RBFOX2: variants seen among roughly 807,000 people sequenced by gnomAD.
RBFOX2 encodes RNA binding protein fox-1 homolog 2.
Under a neutral mutation model 49.1 loss-of-function variants are expected in RBFOX2, and 10 were observed. The ratio of observed to expected loss-of-function variants is 0.20; its 90% CI spans 0.13 to 0.35. The LOEUF (loss-of-function observed/expected upper bound fraction) is 0.35. Among genes scored for constraint, RBFOX2 ranks in the 10% least tolerant of loss-of-function variants. The pLI, the probability that RBFOX2 is intolerant of heterozygous loss-of-function variation, is 1.00. For missense variants in RBFOX2, 323 were observed against 486.9 expected, an observed-to-expected ratio of 0.66 and a Z score of 3.17; for synonymous variants, 183 against 187.4, an observed-to-expected ratio of 0.98 and a Z score of 0.19.
At chr22:35,822,898 CA>C in intron 1 of RBFOX2, 1 of 385,978 alleles carries the variant, frequency 2.6e-6, no homozygotes, top group South Asian at 1.9e-5. Context: ...AATCCTAGCT[CA>C]CTGCAACTTC....
At chr22:36,025,164 A>G (rs1210014552) in intron 1 of RBFOX2, among the ~76,000 whole-genome samples, 1 of 152,180 alleles carries the variant, frequency 6.6e-6, no homozygotes. Context: ...AACCACTGAT[A>G]CCATCTCCTA....
At chr22:36,009,615 C>T (rs1603466085) in intron 1 of RBFOX2, among the ~76,000 whole-genome samples, 1 of 152,250 alleles carries the variant, frequency 6.6e-6, no homozygotes, top group East Asian at 1.9e-4. Flanking sequence ...TCTCAAATTC[C>T]TGGGCTCAAG....
At chr22:35,816,472 A>G (rs1157794916) in intron 1 of RBFOX2, among the ~76,000 whole-genome samples, 1 of 152,240 alleles carries the variant, frequency 6.6e-6, no homozygotes, top group Non-Finnish European at 1.5e-5. Context: ...TAAGTTAGGT[A>G]AAAGTAATAC....
At position 35,832,321 on chromosome 22, in the gene RBFOX2, C is replaced by T. The variant is rs113570851; in HGVS notation, c.27+7871G>A. 2.1e-3 allele frequency among the ~76,000 whole-genome samples: 314 copies of T among 151,180 alleles called. 1 individual carries two copies. Among genetic ancestry groups the T allele is most frequent in the Middle Eastern group, 6.8e-3 (2 of 292 alleles). ...CCAGGAGGCGGAGGTTGCAGTGAGC[C>T]GAGATCACACCACTACATTCCAACC... On this transcript the variant is annotated intron_variant, in intron 1 of 11. Transcript: ENST00000405409.
chr22:35,942,940 A>G (rs1304212904), upstream of RBFOX2, among the ~76,000 whole-genome samples: 9 of 152,190 alleles, frequency 5.9e-5, no homozygotes, highest in Admixed American at 4.6e-4. Context: ...AAAACCAACT[A>G]TATATCTCAC....
chr22:35,929,874 C>A (rs1880294861), intron 1 of RBFOX2, among the ~76,000 whole-genome samples: 1 of 151,906 alleles, frequency 6.6e-6, no homozygotes, highest in South Asian at 2.1e-4. Context: ...GGAATGACTG[C>A]AAAAGAATTT....
chr22:35,747,853 C>A (rs1215872784), intron 9 of RBFOX2: 1 of 152,134 alleles, frequency 6.6e-6, no homozygotes, highest in Admixed American at 6.5e-5. Context: ...CTTTCTACTT[C>A]CTATTTTTTC....
At chr22:35,897,573 C>G in intron 1 of RBFOX2, 2 of 936,390 alleles carry the variant, frequency 2.1e-6, no homozygotes, top group Non-Finnish European at 3.5e-6. Flanking sequence ...AGATGTACTT[C>G]ACCAGGTCAA....
intron 1 of RBFOX2, among the ~76,000 whole-genome samples, chr22:35,988,921 G>A (rs1280857482): frequency 6.6e-6 from 1 of 152,208 alleles, no homozygotes; most frequent in African/African-American, 2.4e-5. Flanking sequence ...TGGGCATAGT[G>A]GCTCATGCCT....
chr22:35,745,809 T>C, intron 11 of RBFOX2, 114 bp downstream of exon 13: 12 of 1,071,712 alleles, frequency 1.1e-5, no homozygotes, highest in Non-Finnish European at 1.7e-5. Context: ...GTGGCTTTAA[T>C]ACCTTGATGG....
intron 1 of RBFOX2, among the ~76,000 whole-genome samples, chr22:35,989,006 A>G (rs1399353262): frequency 2.6e-5 from 4 of 152,228 alleles, no homozygotes; most frequent in Non-Finnish European, 5.9e-5. Flanking sequence ...CCTTGCCAAC[A>G]TGGCAAAACT....
intron 2 of RBFOX2, among the ~76,000 whole-genome samples, chr22:35,783,132 G>A (rs1309340690): frequency 6.6e-6 from 1 of 152,154 alleles, no homozygotes; most frequent in African/African-American, 2.4e-5. Context: ...GAGCACTCTG[G>A]TGCTTCCAGA....
At chr22:35,788,699 C>T (rs1321143564) in intron 2 of RBFOX2, among the ~76,000 whole-genome samples, 2 of 152,176 alleles carry the variant, frequency 1.3e-5, no homozygotes, top group African/African-American at 4.8e-5. Flanking sequence ...CTTTTTTCTT[C>T]TCTCTTGCAG....
chr22:35,789,918 T>A (rs193066766), intron 2 of RBFOX2, among the ~76,000 whole-genome samples: 3 of 152,252 alleles, frequency 2.0e-5, no homozygotes, highest in Admixed American at 2.0e-4. Context: ...TTGGGAAGTC[T>A]GAGTGGGTGG....
chr22:35,900,488 T>C (rs1003739198), intron 1 of RBFOX2, among the ~76,000 whole-genome samples: 1 of 151,966 alleles, frequency 6.6e-6, no homozygotes, highest in Non-Finnish European at 1.5e-5. Flanking sequence ...CTATACATAG[T>C]TTATATTCCT....
intron 1 of RBFOX2, among the ~76,000 whole-genome samples, chr22:36,009,930 C>T (rs1038313044): frequency 7.9e-5 from 12 of 152,156 alleles, no homozygotes; most frequent in African/African-American, 2.7e-4. Context: ...TTCCACTCCT[C>T]GGGTTGGCAC....
upstream of RBFOX2, among the ~76,000 whole-genome samples, chr22:35,844,416 C>T (rs917156984): frequency 7.9e-5 from 12 of 152,136 alleles, no homozygotes; most frequent in African/African-American, 2.9e-4. Flanking sequence ...ATGAAGAGCA[C>T]CTATGTAGTT....
In RBFOX2 at chr22:35,932,219, T is replaced by C. The variant is rs578204886; in HGVS notation, c.-34+6628A>G. Among the ~76,000 whole-genome samples, 3 of 152,132 alleles carry C rather than the reference T, an allele frequency of 2.0e-5. No homozygotes were observed. In the East Asian group the frequency reaches 5.8e-4, roughly 29 times the overall value. ...TGAGCACTACAGAAGATATATTTGC[T>C]GTTGTCCACAGCTCCCAATAAAAAA... is the stretch of plus-strand genomic sequence containing the variant. On this transcript the variant is annotated intron_variant, in intron 1 of 13. Coordinates refer to the RBFOX2 transcript ENST00000359369.
upstream of RBFOX2, chr22:35,840,631 CGTGTGTGTGTGTGT>C (rs150747166): frequency 9.9e-7 from 1 of 1,005,620 alleles, no homozygotes; most frequent in African/African-American, 1.8e-5. Context: ...TGCGTGTGTG[CGTGTGTGTGTGTGT>C]GTGTGTGTGT....
Sources: gnomAD v4.1 joint callset for allele counts (sites outside exome capture counted in the v4.1 genomes callset) on GRCh38, gnomAD v4.1.1 for gene constraint, MANE v1.5 for transcripts, NCBI Gene and HGNC (gene_info 2026-07-23, HGNC 2026-07-21) for gene names.